ROBO2: variants seen among roughly 807,000 people sequenced by gnomAD.
The protein encoded by ROBO2 is roundabout guidance receptor 2, also known as roundabout homolog 2.
Under a neutral mutation model 160.8 loss-of-function variants are expected in ROBO2, and 53 were observed. The observed-to-expected ratio is 0.33, with a 90% CI of 0.26 to 0.41. The LOEUF is 0.41. Ranked by LOEUF, ROBO2 falls within the 10% of genes least tolerant of loss-of-function variation. ROBO2 has a pLI of 1.00. For synonymous variants in ROBO2, 664 were observed against 611.7 expected (o/e 1.09, Z -1.26); for missense variants, 1,577 against 1,722.4 (o/e 0.92, Z 1.49).
At chr3:76,519,286 A>G (rs1186790867) in intron 2 of ROBO2, among the ~76,000 whole-genome samples, 1 of 152,202 alleles carries the variant, frequency 6.6e-6, no homozygotes, top group Non-Finnish European at 1.5e-5. Flanking sequence ...TTGTTTATGT[A>G]TGTTCCTACT....
chr3:77,414,608 G>C (rs1422195794), intron 2 of ROBO2, among the ~76,000 whole-genome samples: 1 of 152,218 alleles, frequency 6.6e-6, no homozygotes, highest in South Asian at 2.1e-4. Flanking sequence ...CTAGGCACAA[G>C]TGTAGAAGTG....
upstream of ROBO2, among the ~76,000 whole-genome samples, chr3:77,039,591 G>A (rs531452210): frequency 6.6e-6 from 1 of 152,260 alleles, no homozygotes; most frequent in Admixed American, 6.5e-5. Context: ...TCGCCCGGTG[G>A]CCTCGGCCCT....
chr3:77,128,896 A>G (rs2075592913), intron 2 of ROBO2, among the ~76,000 whole-genome samples: 1 of 152,202 alleles, frequency 6.6e-6, no homozygotes, highest in African/African-American at 2.4e-5. Context: ...AAATATCTGA[A>G]AATTCAGGCT....
At chr3:77,285,659 G>A (rs757226165) in intron 2 of ROBO2, among the ~76,000 whole-genome samples, 16 of 151,988 alleles carry the variant, frequency 1.1e-4, no homozygotes, top group Non-Finnish European at 2.2e-4. Flanking sequence ...CATAGATCAC[G>A]TTCACTCTCT....
chr3:76,367,043 A>G (rs915547945), intron 2 of ROBO2, among the ~76,000 whole-genome samples: 17 of 152,034 alleles, frequency 1.1e-4, no homozygotes, highest in African/African-American at 3.6e-4. Context: ...GCAATTTTAT[A>G]TGAATTTCAT....
At chr3:76,760,655 C>T (rs150545977) in intron 2 of ROBO2, among the ~76,000 whole-genome samples, 22 of 151,618 alleles carry the variant, frequency 1.5e-4, no homozygotes, top group African/African-American at 3.9e-4. Flanking sequence ...ATATTTTCTA[C>T]GCATACGTTG....
chr3:77,109,486 A>C (rs918550769), intron 2 of ROBO2, among the ~76,000 whole-genome samples: 3 of 152,230 alleles, frequency 2.0e-5, no homozygotes, highest in Non-Finnish European at 4.4e-5. Flanking sequence ...AGGATGGTCT[A>C]GAATGTGGTA....
intron 2 of ROBO2, among the ~76,000 whole-genome samples, chr3:76,157,594 A>G (rs2072458106): frequency 6.6e-6 from 1 of 152,086 alleles, no homozygotes; most frequent in Admixed American, 6.6e-5. Flanking sequence ...GTTCTCATTT[A>G]TGGGGGGGCT....
chr3:76,072,035 TTGTA>T (rs2068476127), intron 2 of ROBO2, among the ~76,000 whole-genome samples: 1 of 152,164 alleles, frequency 6.6e-6, no homozygotes, highest in Non-Finnish European at 1.5e-5. Flanking sequence ...TTTTCATACT[TTGTA>T]TGTCAGTGGT....
chr3:77,388,630 G>T (rs541856500), intron 2 of ROBO2, among the ~76,000 whole-genome samples: 3 of 151,920 alleles, frequency 2.0e-5, no homozygotes, highest in South Asian at 4.2e-4. Context: ...TATATTTAAG[G>T]TGATACAACA....
chr3:77,108,165 C>CATATGTATACACATATGCATAT lies in ROBO2; in HGVS notation c.388+9852_388+9873dup, dbSNP rs71104651. ...ATGTGTGTATCCATGTTTATATATA[C>CATATGTATACACATATGCATAT]ATATGTATACACATATGCATATATA... On this transcript the variant is annotated intron_variant, in intron 2 of 25. Coordinates refer to ENST00000461745, the Ensembl canonical transcript of ROBO2. Among the ~76,000 whole-genome samples the CATATGTATACACATATGCATAT allele has an allele frequency of 4.9e-4, 67 of 136,326 alleles. 3 individuals are homozygous for CATATGTATACACATATGCATAT. The highest frequency in any genetic ancestry group is 1.5e-3 in the African/African-American group (53 of 35,870). The allele number at this position is 136,326 out of a possible 152,430, so 89.4% of individuals were successfully genotyped here. A position where few individuals can be genotyped will look rare whatever the true frequency, so the allele number is the denominator to read the frequency against.
chr3:76,433,000 A>G (rs2076506475), intron 2 of ROBO2, among the ~76,000 whole-genome samples: 1 of 152,198 alleles, frequency 6.6e-6, no homozygotes, highest in Non-Finnish European at 1.5e-5. Context: ...ACAAACTAGC[A>G]TTTAGAAACT....
intron 2 of ROBO2, among the ~76,000 whole-genome samples, chr3:76,149,121 A>T (rs575390442): frequency 2.6e-4 from 40 of 151,900 alleles, no homozygotes; most frequent in Middle Eastern, 6.8e-3. Context: ...TGATTCCTTT[A>T]ATTTTCTTCC....
At chr3:77,492,021 T>A (rs2086186936) in intron 4 of ROBO2, among the ~76,000 whole-genome samples, 1 of 152,332 alleles carries the variant, frequency 6.6e-6, no homozygotes, top group South Asian at 2.1e-4. Flanking sequence ...TTGAAGTAAT[T>A]TATTTTCTTT....
At chr3:76,757,766 G>A (rs1445887237) in intron 2 of ROBO2, among the ~76,000 whole-genome samples, 1 of 151,732 alleles carries the variant, frequency 6.6e-6, no homozygotes, top group Non-Finnish European at 1.5e-5. Context: ...CTCCTCCAGA[G>A]AGATTGAACC....
At chr3:77,069,609 T>G (rs754395948) in intron 1 of ROBO2, among the ~76,000 whole-genome samples, 1 of 152,218 alleles carries the variant, frequency 6.6e-6, no homozygotes, top group Non-Finnish European at 1.5e-5. Context: ...TGTTGACACA[T>G]CTGGTGGTGG....
intron 2 of ROBO2, among the ~76,000 whole-genome samples, chr3:77,444,016 ACTT>A (rs1476683648): frequency 6.6e-6 from 1 of 152,150 alleles, no homozygotes; most frequent in Non-Finnish European, 1.5e-5. Flanking sequence ...AATTAGCCTT[ACTT>A]CTTCTCTTCC....
At chr3:77,510,805 A>G (rs574738260) in intron 5 of ROBO2, among the ~76,000 whole-genome samples, 1 of 152,146 alleles carries the variant, frequency 6.6e-6, no homozygotes, top group Admixed American at 6.5e-5. Context: ...TCATTCAAGT[A>G]ATATTTATTG....
chr3:77,080,530 T>C (rs1428279252), intron 1 of ROBO2, among the ~76,000 whole-genome samples: 2 of 152,218 alleles, frequency 1.3e-5, no homozygotes. Flanking sequence ...TGCGAAGGTC[T>C]GAATATCGAG....
Sources: gnomAD v4.1 joint callset for allele counts (sites outside exome capture counted in the v4.1 genomes callset) on GRCh38, gnomAD v4.1.1 for gene constraint, MANE v1.5 for transcripts, NCBI Gene and HGNC (gene_info 2026-07-23, HGNC 2026-07-21) for gene names.